Variants in CADPS observed in about 807,000 individuals in gnomAD.
CADPS encodes the protein calcium-dependent secretion activator 1.
In CADPS, 57 loss-of-function variants were observed where a neutral mutation model predicts 167.3. That is an observed-to-expected ratio of 0.34 (90% CI 0.28 to 0.42). The LOEUF (loss-of-function observed/expected upper bound fraction) is 0.42. Among genes scored for constraint, CADPS ranks in the 20% least tolerant of loss-of-function variants. The pLI is 1.00. For missense variants in CADPS, 1,414 were observed against 1,738.1 expected (o/e 0.81, Z 3.32); for synonymous variants, 676 against 635.3 (o/e 1.06, Z -0.96).
intron 1 of CADPS, among the ~76,000 whole-genome samples, chr3:62,869,191 G>A (rs1201196473): frequency 6.6e-5 from 10 of 151,922 alleles, no homozygotes; most frequent in Non-Finnish European, 1.5e-4. Flanking sequence ...TTATGTTTTT[G>A]GATTATGGAA....
chr3:62,581,113 A>C (rs2083344089), intron 8 of CADPS, among the ~76,000 whole-genome samples: 1 of 152,176 alleles, frequency 6.6e-6, no homozygotes, highest in Non-Finnish European at 1.5e-5. Flanking sequence ...ACTGGTGTAA[A>C]GAAGAAGTTT....
At chr3:62,861,375 C>T (rs1343466082) in intron 1 of CADPS, among the ~76,000 whole-genome samples, 1 of 152,150 alleles carries the variant, frequency 6.6e-6, no homozygotes, top group African/African-American at 2.4e-5. Context: ...TCATAGCCCA[C>T]ACATTGTGAC....
In CADPS at chr3:62,514,834, G is replaced by A. The variant is rs75694968; in HGVS notation, c.2581+1225C>T. ...ATTACGTCCTGGGACAGTAAATGCT[G>A]GAACAATTATTTGCTAATATAGCCC... is the stretch of plus-strand genomic sequence containing the variant. On this transcript the variant is annotated intron_variant, in intron 16 of 29. Transcript: ENST00000383710. This position sits in a 1 kb window ranked among gnomAD's most constrained non-coding sequence, Gnocchi z 4.2. 5.6e-3 allele frequency among the ~76,000 whole-genome samples: 856 copies of A among 152,178 alleles called. 11 individuals carry two copies. Among genetic ancestry groups the A allele is most frequent in the African/African-American group, 0.018 (731 of 41,524 alleles).
intron 7 of CADPS, among the ~76,000 whole-genome samples, chr3:62,586,139 T>C (rs564367029): frequency 1.3e-5 from 2 of 152,298 alleles, no homozygotes; most frequent in South Asian, 2.1e-4. Context: ...TAGGGAGGAA[T>C]TGAATATTTG....
At chr3:62,708,803 G>A (rs980696765) in intron 3 of CADPS, among the ~76,000 whole-genome samples, 1 of 152,032 alleles carries the variant, frequency 6.6e-6, no homozygotes, top group Admixed American at 6.5e-5. Context: ...TGTGACATCT[G>A]CAGTAGCTGA....
intron 1 of CADPS, among the ~76,000 whole-genome samples, chr3:62,795,847 G>A (rs963940831): frequency 6.6e-6 from 1 of 152,204 alleles, no homozygotes; most frequent in African/African-American, 2.4e-5. Flanking sequence ...GGAGCTGATT[G>A]CTGAAGGATC....
intron 12 of CADPS, chr3:62,535,956 CCAAACAAA>C (rs145613638): frequency 6.6e-6 from 1 of 151,758 alleles, no homozygotes; most frequent in South Asian, 2.1e-4. Flanking sequence ...AAAAAGCCAT[CCAAACAAA>C]CAAACAAACC....
At chr3:62,727,605 G>A (rs557993) in intron 3 of CADPS, among the ~76,000 whole-genome samples, 34,476 of 151,558 alleles carry the variant, frequency 0.23, 4,418 homozygotes, top group African/African-American at 0.31. Flanking sequence ...AGGCACCTGC[G>A]GAGATGTAGG....
chr3:62,595,647 T>C (rs1329016950), intron 6 of CADPS, among the ~76,000 whole-genome samples: 1 of 152,214 alleles, frequency 6.6e-6, no homozygotes, highest in African/African-American at 2.4e-5. Flanking sequence ...TTTATTTATT[T>C]AATGATTAGA....
intron 1 of CADPS, among the ~76,000 whole-genome samples, chr3:62,776,888 T>C (rs971522914): frequency 1.3e-5 from 2 of 151,734 alleles, no homozygotes; most frequent in Non-Finnish European, 2.9e-5. Flanking sequence ...AGGTTGAGGG[T>C]ACAAAATGGG....
intron 16 of CADPS, among the ~76,000 whole-genome samples, chr3:62,513,014 G>A (rs907130381): frequency 7.2e-5 from 11 of 152,070 alleles, no homozygotes; most frequent in Non-Finnish European, 1.3e-4. Flanking sequence ...GTGAAATCAA[G>A]CTATGAAACA....
At chr3:62,744,618 G>A (rs1294491794) in intron 3 of CADPS, among the ~76,000 whole-genome samples, 2 of 152,146 alleles carry the variant, frequency 1.3e-5, no homozygotes, top group African/African-American at 4.8e-5. Flanking sequence ...GCAAAAGGTA[G>A]AAAAAAGCAG....
rs145517012 is a variant in CADPS at position 62,597,307 on chromosome 3, A to T, written c.1326-4559T>A. On this transcript the variant is annotated intron_variant, in intron 6 of 29. Transcript: ENST00000383710. ...GGTTACTGTGAGCTATGATCACGCC[A>T]CTGTACTCCAGCTTGGGTGACAGAG... Among the ~76,000 whole-genome samples the T allele has an allele frequency of 5.9e-3, 894 of 152,324 alleles. 11 individuals carry two copies. The highest frequency in any genetic ancestry group is 0.02 in the African/African-American group (812 of 41,570).
At chr3:62,610,966 G>A (rs150105564) in intron 6 of CADPS, among the ~76,000 whole-genome samples, 1 of 152,140 alleles carries the variant, frequency 6.6e-6, no homozygotes, top group East Asian at 1.9e-4. Flanking sequence ...ACAGGGGTGT[G>A]GGGGAGAGAG....
intron 5 of CADPS, among the ~76,000 whole-genome samples, chr3:62,649,542 TC>T (rs2069497143): frequency 2.1e-5 from 2 of 96,688 alleles, no homozygotes; most frequent in African/African-American, 8.0e-5. Flanking sequence ...CAATATGTGG[TC>T]TTTTTTTTTT....
chr3:62,429,599 G>A (rs1324595506), intron 28 of CADPS, among the ~76,000 whole-genome samples: 1 of 151,778 alleles, frequency 6.6e-6, no homozygotes, highest in Non-Finnish European at 1.5e-5. Context: ...ATGTGCTTTG[G>A]CTACTCTGTG....
chr3:62,563,932 A>G (rs1330135019), intron 9 of CADPS, among the ~76,000 whole-genome samples: 2 of 152,150 alleles, frequency 1.3e-5, no homozygotes, highest in African/African-American at 4.8e-5. Flanking sequence ...GTATGCATCA[A>G]TCTCTTCAGG....
intron 11 of CADPS, among the ~76,000 whole-genome samples, chr3:62,546,390 C>T (rs1367901366): frequency 6.6e-6 from 1 of 152,078 alleles, no homozygotes; most frequent in East Asian, 1.9e-4. Context: ...GGAGAGACGT[C>T]CTGGGCAAAC....
chr3:62,734,723 A>C (rs1287972804), intron 3 of CADPS, among the ~76,000 whole-genome samples: 1 of 152,190 alleles, frequency 6.6e-6, no homozygotes, highest in Non-Finnish European at 1.5e-5. Context: ...ATAGATATTT[A>C]GTTTTATTCT....
Sources: gnomAD v4.1 joint callset for allele counts (sites outside exome capture counted in the v4.1 genomes callset) on GRCh38, gnomAD v4.1.1 for gene constraint, Gnocchi (gnomAD v3.1) non-coding constraint, MANE v1.5 for transcripts, NCBI Gene and HGNC (gene_info 2026-07-23, HGNC 2026-07-21) for gene names.